Variants in PHF21A observed in about 807,000 individuals in gnomAD.
The protein encoded by PHF21A is BHC80a.
PHF21A carries 11 observed loss-of-function variants against 82.5 expected under a neutral mutation model. That is an observed-to-expected ratio of 0.13 (90% confidence interval 0.08 to 0.22). The LOEUF is 0.22. Among genes scored for constraint, PHF21A ranks in the 10% least tolerant of loss-of-function variants. PHF21A has a pLI of 1.00. For missense variants in PHF21A, 579 were observed against 837.8 expected, an observed-to-expected ratio of 0.69 and a Z score of 3.81; for synonymous variants, 297 against 302.8, an observed-to-expected ratio of 0.98 and a Z score of 0.20.
In PHF21A at chr11:45,934,129, T is replaced by A; in HGVS notation, c.1885A>T (p.Ile629Phe). 1.2e-6 allele frequency: 2 copies of A among 1,614,162 alleles called. No individual in the cohort carries two copies. The highest frequency in any genetic ancestry group is 8.5e-7 in the Non-Finnish European group (1 of 1,180,020). ...GAGTCTACAGGTTTGGAGAGGTCGA[T>A]GCCGTGGATGAGGCGAATCAGCTGT... is the stretch of plus-strand genomic sequence containing the variant. ...VKQLIRLIHG[I>F]DLSKPVDSEA... Residue 629 changes from isoleucine (I) to phenylalanine (F), a missense_variant, in exon 19 of 19, where the codon ATC (isoleucine) becomes TTC (phenylalanine). This residue lies in a region of PHF21A where 157 missense variants were observed against 149.4 expected (regional missense o/e 1.05). Coordinates refer to ENST00000676320, the MANE Select transcript of PHF21A (RefSeq NM_001352027.3).
chr11:46,071,797 G>A (rs931883632), intron 6 of PHF21A, among the ~76,000 whole-genome samples: 1 of 150,688 alleles, frequency 6.6e-6, no homozygotes, highest in African/African-American at 2.4e-5. Context: ...TCATGATATA[G>A]CCAATTATGC....
intron 14 of PHF21A, among the ~76,000 whole-genome samples, chr11:45,946,370 A>G (rs1235065181): frequency 6.6e-6 from 1 of 152,128 alleles, no homozygotes; most frequent in East Asian, 1.9e-4. Flanking sequence ...AGCCAGGGCC[A>G]GGAATGAGTT....
At chr11:46,028,529 A>C (rs1205940992) in intron 6 of PHF21A, among the ~76,000 whole-genome samples, 1 of 147,862 alleles carries the variant, frequency 6.8e-6, no homozygotes, top group East Asian at 2.0e-4. Flanking sequence ...CTCACTTTTA[A>C]GTTTACATGC....
At chr11:46,051,979 A>G (rs1281907493) in intron 6 of PHF21A, among the ~76,000 whole-genome samples, 1 of 152,182 alleles carries the variant, frequency 6.6e-6, no homozygotes, top group African/African-American at 2.4e-5. Flanking sequence ...TAGAATTCCA[A>G]ATATAAGGTA....
chr11:46,066,668 C>A (rs915266899), intron 6 of PHF21A, among the ~76,000 whole-genome samples: 3 of 152,076 alleles, frequency 2.0e-5, no homozygotes, highest in Non-Finnish European at 2.9e-5. Context: ...CACCGCACAC[C>A]AGCTTGGGCG....
At chr11:46,062,737 C>A (rs888131906) in intron 6 of PHF21A, among the ~76,000 whole-genome samples, 1 of 152,128 alleles carries the variant, frequency 6.6e-6, no homozygotes, top group Non-Finnish European at 1.5e-5. Context: ...TAAAATAGTA[C>A]AATCACTTTG....
chr11:46,021,370 G>C (rs2095627603), intron 6 of PHF21A, among the ~76,000 whole-genome samples: 1 of 151,002 alleles, frequency 6.6e-6, no homozygotes, highest in African/African-American at 2.4e-5. Context: ...CCATTAGACA[G>C]ACTTTTAAAA....
intron 1 of PHF21A, among the ~76,000 whole-genome samples, chr11:46,108,605 C>T (rs189424842): frequency 6.7e-6 from 1 of 148,382 alleles, no homozygotes; most frequent in South Asian, 2.1e-4. Context: ...TATGTAAATG[C>T]ACAGGAAAAG....
At chr11:45,980,874 C>A (rs2094247162) in intron 6 of PHF21A, among the ~76,000 whole-genome samples, 1 of 152,166 alleles carries the variant, frequency 6.6e-6, no homozygotes, top group African/African-American at 2.4e-5. Context: ...TTTGCTGGGA[C>A]AGGTTCTGTG....
At chr11:46,001,353 C>G (rs1460968037) in intron 6 of PHF21A, among the ~76,000 whole-genome samples, 1 of 150,934 alleles carries the variant, frequency 6.6e-6, no homozygotes, top group East Asian at 1.9e-4. Flanking sequence ...CTAGATATCA[C>G]TGTTATCAAC....
At chr11:46,023,160 A>C (rs1040740828) in intron 6 of PHF21A, among the ~76,000 whole-genome samples, 1 of 152,222 alleles carries the variant, frequency 6.6e-6, no homozygotes, top group Non-Finnish European at 1.5e-5. Context: ...AGGAAAAGTT[A>C]AAGGAATTTG....
intron 6 of PHF21A, among the ~76,000 whole-genome samples, chr11:45,987,388 G>A (rs557735792): frequency 2.0e-5 from 3 of 152,042 alleles, no homozygotes; most frequent in Middle Eastern, 3.4e-3. Flanking sequence ...GAGGCCAGGC[G>A]TGGTGGCTCA....
At chr11:46,102,848 G>C (rs146291627) in intron 1 of PHF21A, among the ~76,000 whole-genome samples, 1 of 152,346 alleles carries the variant, frequency 6.6e-6, no homozygotes, top group East Asian at 1.9e-4. Flanking sequence ...TTTGATAATA[G>C]CTCAGTATCT....
Position 45,938,332 on chromosome 11 carries a change from G to A in PHF21A, c.1453-20C>T, listed in dbSNP as rs2089591968. 1 of 1,593,772 alleles carries A rather than the reference G, an allele frequency of 6.3e-7. No individual in the cohort carries two copies. The highest frequency in any genetic ancestry group is 1.1e-5 in the South Asian group (1 of 87,346). The stretch of plus-strand genomic sequence containing the variant: ...ATCACCCTATAAAGTTGAGAGGAAA[G>A]GTAAGAAAAAGGACAAAAAAGGTAA... On this transcript the variant is annotated intron_variant, in intron 15 of 18. Coordinates refer to ENST00000676320, the MANE Select transcript of PHF21A (RefSeq NM_001352027.3).
chr11:45,991,695 G>A (rs1366123798), intron 6 of PHF21A, among the ~76,000 whole-genome samples: 3 of 152,306 alleles, frequency 2.0e-5, no homozygotes, highest in Admixed American at 1.3e-4. Context: ...AACAAGGTTT[G>A]TGACCTTTGG....
At chr11:46,008,971 CTT>C (rs368337006) in intron 6 of PHF21A, among the ~76,000 whole-genome samples, 4 of 111,578 alleles carry the variant, frequency 3.6e-5, no homozygotes, top group Admixed American at 1.0e-4. Context: ...TCACATTTCA[CTT>C]TTTTTTTTTT....
rs564365073 is a variant in PHF21A at position 45,977,360 on chromosome 11, C to T, written c.360+2400G>A. On this transcript the variant is annotated intron_variant, in intron 7 of 18. Coordinates refer to ENST00000676320, the MANE Select transcript of PHF21A (RefSeq NM_001352027.3). ...CCATGTTGGCCAGGCTGGTCTCAAA[C>T]TCCTGACCTAAAGTGATCCACCCAC... Among the ~76,000 whole-genome samples the T allele has an allele frequency of 3.3e-5, 5 of 152,232 alleles. No individual in the cohort carries two copies. In the East Asian group the frequency reaches 7.7e-4, roughly 24 times the overall value.
At chr11:46,061,077 A>G (rs1443419948) in intron 6 of PHF21A, among the ~76,000 whole-genome samples, 1 of 152,176 alleles carries the variant, frequency 6.6e-6, no homozygotes, top group East Asian at 1.9e-4. Flanking sequence ...TCCCTTCCCC[A>G]TTGCTTGTTT....
At chr11:46,098,633 A>C (rs2097040772) in intron 1 of PHF21A, among the ~76,000 whole-genome samples, 1 of 152,226 alleles carries the variant, frequency 6.6e-6, no homozygotes, top group African/African-American at 2.4e-5. Context: ...ATTATAGATC[A>C]GACTTAGTAA....
Sources: gnomAD v4.1 joint callset for allele counts (sites outside exome capture counted in the v4.1 genomes callset) on GRCh38, gnomAD v4.1.1 for gene constraint, gnomAD v4.1.1 regional missense constraint, MANE v1.5 for transcripts, NCBI Gene and HGNC (gene_info 2026-07-23, HGNC 2026-07-21) for gene names.